Variants in SH3D19 observed in about 807,000 individuals in gnomAD.
SH3D19 encodes SH3 domain-containing protein 19.
Under a neutral mutation model 112.1 loss-of-function variants are expected in SH3D19, and 58 were observed. The observed-to-expected ratio is 0.52, with a 90% CI of 0.42 to 0.64. The LOEUF (loss-of-function observed/expected upper bound fraction) is 0.64, where lower values mean the gene tolerates loss of function less well. Ranked by LOEUF, SH3D19 falls within the 30% of genes least tolerant of loss-of-function variation. The pLI, the probability that SH3D19 is intolerant of heterozygous loss-of-function variation, is 0.00. For synonymous variants in SH3D19, 391 were observed against 448.5 expected (o/e 0.87, Z 1.62); for missense variants, 1,090 against 1,263.4 (o/e 0.86, Z 2.08).
intron 8 of SH3D19, among the ~76,000 whole-genome samples, chr4:151,160,684 C>CT (rs35888994): frequency 0.13 from 19,610 of 145,346 alleles, 2,708 homozygotes; most frequent in African/African-American, 0.35. Flanking sequence ...CTTTCTCTCT[C>CT]TTTTTTTTTT....
intron 2 of SH3D19, among the ~76,000 whole-genome samples, chr4:151,192,564 A>G (rs2149864251): frequency 6.6e-6 from 1 of 152,322 alleles, no homozygotes. Flanking sequence ...TACCTTATAA[A>G]TTTAAATGAT....
At position 151,325,221 on chromosome 4, in the gene SH3D19, C is replaced by A; in HGVS notation, c.112+20G>T. 1 of 1,205,864 alleles carries A rather than the reference C, an allele frequency of 8.3e-7. No homozygotes were observed. Among genetic ancestry groups the A allele is most frequent in the South Asian group, 4.2e-5 (1 of 23,842 alleles). The allele number at this position is 1,205,864 out of a possible 1,614,324, so 74.7% of individuals were successfully genotyped here. ...CGCGCAGCTCTGGGTCCCCGCCGCCCCGTCCCCCGCGCCTCTCACCTGCGG... is the reference window on the plus strand; with the variant it reads ...CGCGCAGCTCTGGGTCCCCGCCGCCACGTCCCCCGCGCCTCTCACCTGCGG... On this transcript the variant is annotated intron_variant, in intron 1 of 19. Transcript: ENST00000604030.
intron 9 of SH3D19, among the ~76,000 whole-genome samples, chr4:151,157,593 T>C (rs72965675): frequency 0.055 from 8,308 of 152,168 alleles, 695 homozygotes; most frequent in African/African-American, 0.18. Context: ...TACTGGGAAT[T>C]TATTCAAAGG....
At chr4:151,233,343 G>C (rs1480835827) in intron 1 of SH3D19, among the ~76,000 whole-genome samples, 1 of 152,110 alleles carries the variant, frequency 6.6e-6, no homozygotes. Context: ...TGGAAAAATT[G>C]TCTTCCATGA....
intron 2 of SH3D19, among the ~76,000 whole-genome samples, chr4:151,219,948 T>C (rs1267808733): frequency 1.3e-5 from 2 of 152,248 alleles, no homozygotes; most frequent in East Asian, 3.8e-4. Context: ...TTTTATCTCA[T>C]GTCATAAGAT....
At chr4:151,228,856 C>CTT (rs60356486) in intron 1 of SH3D19, among the ~76,000 whole-genome samples, 125 of 146,924 alleles carry the variant, frequency 8.5e-4, no homozygotes, top group Middle Eastern at 3.4e-3. Flanking sequence ...TTTTTCTTTT[C>CTT]TTTTTTTTTT....
At chr4:151,127,593 G>T in intron 19 of SH3D19, 25 bp downstream of exon 19, 1 of 1,396,156 alleles carries the variant, frequency 7.2e-7, no homozygotes, top group Non-Finnish European at 9.9e-7. Flanking sequence ...GCTTAATGCA[G>T]TTATGAAGAG....
intron 1 of SH3D19, among the ~76,000 whole-genome samples, chr4:151,290,655 G>T (rs1308853244): frequency 1.3e-5 from 2 of 152,138 alleles, no homozygotes; most frequent in Non-Finnish European, 2.9e-5. Context: ...AAAAACCACT[G>T]AATTGTGTAG....
At chr4:151,186,896 G>A (rs1464954013) in intron 3 of SH3D19, among the ~76,000 whole-genome samples, 2 of 148,772 alleles carry the variant, frequency 1.3e-5, no homozygotes, top group Non-Finnish European at 3.0e-5. Context: ...CCGGGTTCAC[G>A]CCATTCTCCT....
chr4:151,277,231 G>A (rs772072177), intron 1 of SH3D19: 9 of 1,501,196 alleles, frequency 6.0e-6, no homozygotes, highest in South Asian at 1.3e-5. Flanking sequence ...TCAGGTGAGC[G>A]CCAGGGTGGG....
At chr4:151,315,511 A>G (rs1193225514) in intron 1 of SH3D19, among the ~76,000 whole-genome samples, 1 of 152,216 alleles carries the variant, frequency 6.6e-6, no homozygotes, top group Non-Finnish European at 1.5e-5. Context: ...TTCTAATTAT[A>G]CAATGAAATT....
At chr4:151,197,895 TAGTG>T (rs1485598690) in intron 2 of SH3D19, among the ~76,000 whole-genome samples, 2 of 152,176 alleles carry the variant, frequency 1.3e-5, no homozygotes, top group Non-Finnish European at 1.5e-5. Context: ...TTATGTGAAA[TAGTG>T]AGGCAGATAC....
chr4:151,133,621 G>T (rs1430126582), intron 15 of SH3D19, among the ~76,000 whole-genome samples: 2 of 152,134 alleles, frequency 1.3e-5, no homozygotes, highest in East Asian at 3.9e-4. Flanking sequence ...GAATCTCAGG[G>T]CAATTAATCA....
At chr4:151,207,949 A>C (rs1440442761) in intron 2 of SH3D19, among the ~76,000 whole-genome samples, 1 of 152,222 alleles carries the variant, frequency 6.6e-6, no homozygotes, top group Non-Finnish European at 1.5e-5. Flanking sequence ...GATAACACTG[A>C]AAATCATTTC....
At chr4:151,126,407 A>G (rs982003756) in intron 19 of SH3D19, among the ~76,000 whole-genome samples, 2 of 152,170 alleles carry the variant, frequency 1.3e-5, no homozygotes, top group African/African-American at 4.8e-5. Context: ...GACAGCAGTG[A>G]CTACTAAAAC....
chr4:151,206,878 A>C (rs1005899029), intron 2 of SH3D19, among the ~76,000 whole-genome samples: 1 of 152,112 alleles, frequency 6.6e-6, no homozygotes, highest in African/African-American at 2.4e-5. Flanking sequence ...CCTCCGCTTC[A>C]GTTTTTGCAG....
intron 1 of SH3D19, among the ~76,000 whole-genome samples, chr4:151,258,747 G>A (rs1390347195): frequency 6.6e-6 from 1 of 152,204 alleles, no homozygotes; most frequent in African/African-American, 2.4e-5. Context: ...AAGACCAAAG[G>A]AGAGGAGGGG....
At chr4:151,161,865 A>T (rs1290754148) in intron 8 of SH3D19, among the ~76,000 whole-genome samples, 1 of 150,878 alleles carries the variant, frequency 6.6e-6, no homozygotes, top group Non-Finnish European at 1.5e-5. Flanking sequence ...CCTGGGTTCA[A>T]GTGATTTTCC....
In SH3D19 at chr4:151,122,163, C is replaced by A; in HGVS notation, c.3072G>T (p.Trp1024Cys). ...ATTTTCCCATAAGTTCTCCACTCAT[C>A]CAGTCATCATCTACAGATTCCAGCT... is the stretch of plus-strand genomic sequence containing the variant. ...ITELESVDDD[W>C]MSGELMGKSG... The change falls in exon 20 of 20, where the codon TGG becomes TGT. Residue 1024 changes from tryptophan to cysteine, a missense_variant. Coordinates refer to ENST00000604030, the MANE Select transcript of SH3D19 (RefSeq NM_001378122.1). 1 of 1,611,262 alleles carries A rather than the reference C, an allele frequency of 6.2e-7. No individual in the cohort carries two copies. The highest frequency in any genetic ancestry group is 8.5e-7 in the Non-Finnish European group (1 of 1,177,614).
Sources: gnomAD v4.1 joint callset for allele counts (sites outside exome capture counted in the v4.1 genomes callset) on GRCh38, gnomAD v4.1.1 for gene constraint, MANE v1.5 for transcripts, NCBI Gene and HGNC (gene_info 2026-07-23, HGNC 2026-07-21) for gene names.